EIF3H: variants seen among roughly 807,000 people sequenced by gnomAD.
EIF3H encodes eukaryotic translation initiation factor 3 subunit H.
A neutral mutation model predicts 44.2 loss-of-function variants in EIF3H; 26 were observed. The ratio of observed to expected loss-of-function variants is 0.59; its 90% CI spans 0.43 to 0.82. EIF3H has a LOEUF of 0.82. Ranked by LOEUF, EIF3H falls within the 40% of genes least tolerant of loss-of-function variation. The probability of loss-of-function intolerance (pLI) is 0.00; values close to 1 mark genes in which losing one functional copy is unlikely to be tolerated. For synonymous variants in EIF3H, 166 were observed against 151.9 expected, an observed-to-expected ratio of 1.09 and a Z score of -0.68; for missense variants, 359 against 432.8, an observed-to-expected ratio of 0.83 and a Z score of 1.51.
At chr8:116,697,724 C>T (rs1814293036) in intron 2 of EIF3H, among the ~76,000 whole-genome samples, 1 of 152,136 alleles carries the variant, frequency 6.6e-6, no homozygotes, top group South Asian at 2.1e-4. Flanking sequence ...ATATTATTCT[C>T]TTTTAAAAGC....
chr8:116,759,956 C>G (rs1815502048), upstream of EIF3H, among the ~76,000 whole-genome samples: 1 of 152,184 alleles, frequency 6.6e-6, no homozygotes, highest in Non-Finnish European at 1.5e-5. Flanking sequence ...GCCTCGAACT[C>G]CTGGGCTCAA....
In EIF3H at chr8:116,680,241, G is replaced by C. The variant is rs1285303847; in HGVS notation, c.290-21261C>G. Among the ~76,000 whole-genome samples the C allele has an allele frequency of 5.8e-5, 3 of 51,794 alleles. 1 individual carries two copies. Among genetic ancestry groups the C allele is most frequent in the Non-Finnish European group, 1.6e-4 (3 of 18,784 alleles). The allele number at this position is 51,794 out of a possible 152,430, so 34.0% of individuals were successfully genotyped here. A position where few individuals can be genotyped will look rare whatever the true frequency, so the allele number is the denominator to read the frequency against. On this transcript the variant is annotated intron_variant, in intron 2 of 7. Transcript: ENST00000521861. ...CCCCGCCCGGCCAGCCGCCCCATCC[G>C]GGAGGTGAGGGGCGCTTCTGCCCGG...
At chr8:116,743,799 A>ATATAAAC (rs1563659950) in intron 1 of EIF3H, among the ~76,000 whole-genome samples, 5 of 87,072 alleles carry the variant, frequency 5.7e-5, no homozygotes, top group East Asian at 4.6e-4. Context: ...TATATATATA[A>ATATAAAC]ACACACACAC....
chr8:116,759,391 TCTAA>T (rs1371181799), upstream of EIF3H, among the ~76,000 whole-genome samples: 1 of 152,046 alleles, frequency 6.6e-6, no homozygotes, highest in Non-Finnish European at 1.5e-5. Flanking sequence ...AAATAAACAG[TCTAA>T]CTAGTTCAGC....
chr8:116,718,653 C>T (rs997832446), intron 2 of EIF3H, among the ~76,000 whole-genome samples: 3 of 143,756 alleles, frequency 2.1e-5, no homozygotes, highest in South Asian at 2.1e-4. Flanking sequence ...TGTTCTCATT[C>T]ATAAGTGGGA....
intron 1 of EIF3H, among the ~76,000 whole-genome samples, chr8:116,740,701 T>C (rs116749748): frequency 0.042 from 6,386 of 152,116 alleles, 458 homozygotes; most frequent in African/African-American, 0.14. Flanking sequence ...GAAAAAAATT[T>C]TAGTAAAAGC....
intron 2 of EIF3H, among the ~76,000 whole-genome samples, chr8:116,668,645 C>A (rs1473418856): frequency 6.6e-6 from 1 of 151,698 alleles, no homozygotes; most frequent in Admixed American, 6.6e-5. Context: ...CTTTACCACA[C>A]ATTAATTGTG....
At chr8:116,724,833 T>C (rs1388538628) in intron 2 of EIF3H, among the ~76,000 whole-genome samples, 2 of 151,726 alleles carry the variant, frequency 1.3e-5, no homozygotes, top group African/African-American at 2.4e-5. Context: ...TTGTGCAAGG[T>C]TGGAAATGTA....
At chr8:116,711,316 C>G (rs1171477124) in intron 2 of EIF3H, among the ~76,000 whole-genome samples, 2 of 152,202 alleles carry the variant, frequency 1.3e-5, no homozygotes, top group Non-Finnish European at 2.9e-5. Flanking sequence ...GAAAATAGCT[C>G]ATACCCATCA....
At chr8:116,738,068 G>A (rs538809544) in intron 1 of EIF3H, among the ~76,000 whole-genome samples, 4 of 151,418 alleles carry the variant, frequency 2.6e-5, no homozygotes, top group African/African-American at 9.7e-5. Context: ...GGTATGGACG[G>A]ACATACTTCT....
chr8:116,758,894 T>C (rs1815486831), upstream of EIF3H, among the ~76,000 whole-genome samples: 2 of 152,210 alleles, frequency 1.3e-5, no homozygotes, highest in Admixed American at 1.3e-4. Flanking sequence ...AAGAAGTTTA[T>C]AGCTAACTGC....
At chr8:116,722,830 T>G (rs1298971411) in intron 2 of EIF3H, among the ~76,000 whole-genome samples, 10 of 152,218 alleles carry the variant, frequency 6.6e-5, no homozygotes, top group Non-Finnish European at 1.5e-4. Context: ...AGTTTTCCAA[T>G]CTGTAAAATT....
chr8:116,710,668 T>G (rs931756161), intron 2 of EIF3H, among the ~76,000 whole-genome samples: 1 of 152,240 alleles, frequency 6.6e-6, no homozygotes, highest in Non-Finnish European at 1.5e-5. Flanking sequence ...TGCAGGCAAC[T>G]GCATCACTCA....
chr8:116,751,431 C>T (rs759406070), intron 1 of EIF3H, among the ~76,000 whole-genome samples: 3 of 152,028 alleles, frequency 2.0e-5, no homozygotes, highest in Non-Finnish European at 4.4e-5. Flanking sequence ...TAGTCCCTGC[C>T]CTCAGTAGCA....
At chr8:116,659,351 T>C (rs907325866) in intron 2 of EIF3H, among the ~76,000 whole-genome samples, 6 of 152,150 alleles carry the variant, frequency 3.9e-5, no homozygotes, top group African/African-American at 1.4e-4. Flanking sequence ...TTGTAAGAAG[T>C]TTCATTTGAA....
chr8:116,703,896 CA>C (rs1163709648), intron 2 of EIF3H, among the ~76,000 whole-genome samples: 1 of 152,200 alleles, frequency 6.6e-6, no homozygotes, highest in Non-Finnish European at 1.5e-5. Context: ...GAAAAACCCA[CA>C]GGCCCAGTAG....
At chr8:116,719,837 A>G (rs1814714716) in intron 2 of EIF3H, among the ~76,000 whole-genome samples, 1 of 152,178 alleles carries the variant, frequency 6.6e-6, no homozygotes, top group African/African-American at 2.4e-5. Context: ...AGAAAAACTT[A>G]TTTACTTGTT....
At chr8:116,695,357 G>A (rs911180559) in intron 2 of EIF3H, among the ~76,000 whole-genome samples, 2 of 152,098 alleles carry the variant, frequency 1.3e-5, no homozygotes, top group Non-Finnish European at 2.9e-5. Context: ...GGATTGCAGA[G>A]CCACCACGCC....
chr8:116,649,624 T>C (rs1351101365), intron 5 of EIF3H, among the ~76,000 whole-genome samples: 3 of 152,170 alleles, frequency 2.0e-5, no homozygotes, highest in African/African-American at 7.2e-5. Context: ...ATATATATAT[T>C]TTTAAAATAG....
Sources: allele counts gnomAD v4.1 joint callset (sites outside exome capture counted in the v4.1 genomes callset), GRCh38; gene constraint gnomAD v4.1.1; transcripts MANE v1.5; gene names NCBI Gene and HGNC (gene_info 2026-07-23, HGNC 2026-07-21).